Variants in GRID2 observed in about 807,000 individuals in gnomAD.
GRID2 encodes glutamate receptor ionotropic, delta-2.
GRID2 carries 33 observed loss-of-function variants against 114.8 expected under a neutral mutation model. The ratio of observed to expected loss-of-function variants is 0.29; its 90% CI spans 0.22 to 0.38. The LOEUF (loss-of-function observed/expected upper bound fraction) is 0.38, where lower values mean the gene tolerates loss of function less well. Among genes scored for constraint, GRID2 ranks in the 10% least tolerant of loss-of-function variants. The pLI is 1.00. For missense variants in GRID2, 1,184 were observed against 1,257.7 expected, an observed-to-expected ratio of 0.94 and a Z score of 0.89; for synonymous variants, 505 against 449.9, an observed-to-expected ratio of 1.12 and a Z score of -1.55.
chr4:93,792,696 ATGGCAGG>A (rs1474860029), intron 1 of GRID2, among the ~76,000 whole-genome samples: 3 of 152,200 alleles, frequency 2.0e-5, no homozygotes, highest in Admixed American at 2.0e-4. Flanking sequence ...AAATAGACAT[ATGGCAGG>A]TGAAAAATGA....
intron 1 of GRID2, among the ~76,000 whole-genome samples, chr4:92,550,263 G>T (rs1007596843): frequency 2.0e-5 from 3 of 152,036 alleles, no homozygotes; most frequent in Non-Finnish European, 4.4e-5. Context: ...TATATTTTTT[G>T]TTTGTAGAGT....
At chr4:93,028,388 C>T (rs914901841) in intron 2 of GRID2, among the ~76,000 whole-genome samples, 9 of 151,862 alleles carry the variant, frequency 5.9e-5, no homozygotes, top group African/African-American at 2.2e-4. Context: ...CATGGAACTG[C>T]AAAACCAACG....
At chr4:92,809,391 G>T (rs1740561010) in intron 2 of GRID2, among the ~76,000 whole-genome samples, 2 of 151,898 alleles carry the variant, frequency 1.3e-5, no homozygotes, top group African/African-American at 4.8e-5. Context: ...ATATTTATTA[G>T]AATCTTCTTT....
intron 2 of GRID2, among the ~76,000 whole-genome samples, chr4:92,923,050 A>C (rs903440366): frequency 6.6e-6 from 1 of 152,188 alleles, no homozygotes; most frequent in Non-Finnish European, 1.5e-5. Flanking sequence ...ATTATACCTC[A>C]ATAAAAAAGT....
chr4:93,074,639 A>G (rs1405445597), intron 2 of GRID2, among the ~76,000 whole-genome samples: 3 of 152,206 alleles, frequency 2.0e-5, no homozygotes, highest in Non-Finnish European at 4.4e-5. Context: ...GAAATTGTGA[A>G]GATCAGAGCC....
At chr4:92,568,200 T>C (rs1727428620) in intron 1 of GRID2, among the ~76,000 whole-genome samples, 2 of 151,946 alleles carry the variant, frequency 1.3e-5, no homozygotes, top group Admixed American at 6.6e-5. Flanking sequence ...ACTTTTTGTA[T>C]TGCAGGAGCA....
chr4:92,912,369 T>C (rs556499729), intron 2 of GRID2, among the ~76,000 whole-genome samples: 2 of 151,858 alleles, frequency 1.3e-5, no homozygotes, highest in South Asian at 4.2e-4. Flanking sequence ...AGGTATTACA[T>C]TAGAGATAGG....
chr4:92,326,649 A>T (rs1726613227), intron 1 of GRID2, among the ~76,000 whole-genome samples: 1 of 152,032 alleles, frequency 6.6e-6, no homozygotes, highest in Non-Finnish European at 1.5e-5. Context: ...TTAAGTACTC[A>T]CAATATGCCA....
intron 1 of GRID2, among the ~76,000 whole-genome samples, chr4:92,361,529 A>G (rs981671582): frequency 1.6e-4 from 24 of 152,008 alleles, no homozygotes; most frequent in Admixed American, 1.5e-3. Context: ...ACATATTTTT[A>G]GGATCCAGGT....
rs139434456 is a variant in GRID2 at position 92,701,620 on chromosome 4, C to T, written c.244+111334C>T. On this transcript the variant is annotated intron_variant, in intron 2 of 15. Coordinates refer to ENST00000282020, the MANE Select transcript of GRID2 (RefSeq NM_001510.4). ...CGATGTGTGATGTTAACATTTCCAC[C>T]GACAAATGAAACAAGTTTGTCAATA... Among the ~76,000 whole-genome samples the T allele has an allele frequency of 3.3e-3, 495 of 151,714 alleles. 4 individuals are homozygous for T. Among genetic ancestry groups the T allele is most frequent in the African/African-American group, 0.012 (476 of 41,350 alleles).
intron 2 of GRID2, among the ~76,000 whole-genome samples, chr4:92,638,638 T>A (rs1731190447): frequency 6.7e-6 from 1 of 149,972 alleles, no homozygotes; most frequent in African/African-American, 2.4e-5. Context: ...AATAGGGAAA[T>A]AAGAGTGAAA....
At chr4:93,534,290 T>C in intron 13 of GRID2, among the ~76,000 whole-genome samples, 1 of 152,190 alleles carries the variant, frequency 6.6e-6, no homozygotes, top group East Asian at 1.9e-4. Flanking sequence ...AATTACCTTA[T>C]AGATTTTTTA....
chr4:93,440,571 T>A (rs1430924867), intron 10 of GRID2, among the ~76,000 whole-genome samples: 1 of 152,114 alleles, frequency 6.6e-6, no homozygotes, highest in Admixed American at 6.6e-5. Flanking sequence ...CCACTGGATA[T>A]GCATATAGGA....
intron 2 of GRID2, chr4:92,702,245 A>G (rs1435880961): frequency 6.6e-6 from 1 of 152,180 alleles, no homozygotes; most frequent in Non-Finnish European, 1.5e-5. Flanking sequence ...ATCACCTCAT[A>G]TCTTACCCAA....
chr4:92,340,203 G>T (rs185788883), intron 1 of GRID2, among the ~76,000 whole-genome samples: 22 of 151,562 alleles, frequency 1.5e-4, no homozygotes, highest in African/African-American at 4.6e-4. Flanking sequence ...TTTCTATTTC[G>T]CTCTCCCACC....
At chr4:92,900,573 G>A (rs1159609097) in intron 2 of GRID2, among the ~76,000 whole-genome samples, 1 of 152,170 alleles carries the variant, frequency 6.6e-6, no homozygotes, top group African/African-American at 2.4e-5. Flanking sequence ...GCTCACGCCT[G>A]TAATCCCAGC....
intron 8 of GRID2, among the ~76,000 whole-genome samples, chr4:93,375,327 C>G (rs1763278699): frequency 6.6e-6 from 1 of 151,636 alleles, no homozygotes; most frequent in Non-Finnish European, 1.5e-5. Context: ...ATTCTCCTGC[C>G]TCAGCCTCCC....
At chr4:93,778,212 A>G (rs1734403759), downstream of GRID2, among the ~76,000 whole-genome samples, 1 of 152,178 alleles carries the variant, frequency 6.6e-6, no homozygotes, top group Admixed American at 6.5e-5. Flanking sequence ...CTATGTAAAA[A>G]AGTATCTGAT....
At chr4:93,293,611 A>C (rs1355083220) in intron 8 of GRID2, among the ~76,000 whole-genome samples, 1 of 152,206 alleles carries the variant, frequency 6.6e-6, no homozygotes, top group Non-Finnish European at 1.5e-5. Context: ...ATTGAAAAAA[A>C]AAAATGCCTA....
Sources: gnomAD v4.1 joint callset for allele counts (sites outside exome capture counted in the v4.1 genomes callset) on GRCh38, gnomAD v4.1.1 for gene constraint, MANE v1.5 for transcripts, NCBI Gene and HGNC (gene_info 2026-07-23, HGNC 2026-07-21) for gene names.